WDR7: variants seen among roughly 807,000 people sequenced by gnomAD.
WDR7 encodes WD repeat domain 7, also known as WD repeat-containing protein 7.
Under a neutral mutation model 169.4 loss-of-function variants are expected in WDR7, and 46 were observed. That is an observed-to-expected ratio of 0.27 (90% CI 0.21 to 0.35). The LOEUF (loss-of-function observed/expected upper bound fraction) is 0.35, where lower values mean the gene tolerates loss of function less well. Ranked by LOEUF, WDR7 falls within the 10% of genes least tolerant of loss-of-function variation. WDR7 has a pLI of 1.00. For missense variants in WDR7, 1,534 were observed against 1,859.3 expected (o/e 0.83, Z 3.22); for synonymous variants, 612 against 666.8 (o/e 0.92, Z 1.27).
chr18:57,006,171 G>A (rs945600860), intron 26 of WDR7, among the ~76,000 whole-genome samples: 1 of 152,074 alleles, frequency 6.6e-6, no homozygotes, highest in African/African-American at 2.4e-5. Context: ...GGCATAGAAT[G>A]TTATTTTAAG....
intron 20 of WDR7, among the ~76,000 whole-genome samples, chr18:56,817,266 C>T (rs564558102): frequency 1.3e-5 from 2 of 151,524 alleles, no homozygotes; most frequent in African/African-American, 4.8e-5. Context: ...AATCGCTTGA[C>T]CTGGGAGGTG....
intron 19 of WDR7, among the ~76,000 whole-genome samples, chr18:56,789,080 C>A (rs888487857): frequency 1.3e-5 from 2 of 152,154 alleles, no homozygotes; most frequent in African/African-American, 4.8e-5. Flanking sequence ...AGACTGATCA[C>A]GTATTTAGCA....
At chr18:56,865,454 T>C (rs2045869316) in intron 20 of WDR7, among the ~76,000 whole-genome samples, 1 of 152,150 alleles carries the variant, frequency 6.6e-6, no homozygotes, top group African/African-American at 2.4e-5. Flanking sequence ...TGTTTGATAT[T>C]ACACAGTAAA....
rs753280702 is a variant in WDR7, at chr18:56,682,692, C to T, written c.359C>T (p.Ser120Phe). 5.6e-6 allele frequency: 9 copies of T among 1,613,092 alleles called. No homozygotes were observed. Among genetic ancestry groups the T allele is most frequent in the Non-Finnish European group, 7.6e-6 (9 of 1,179,612 alleles). The change falls in exon 5 of 28, where the codon TCT (serine) becomes TTT (phenylalanine). Residue 120 changes from serine (S) to phenylalanine (F), a missense_variant. Coordinates refer to ENST00000254442, the MANE Select transcript of WDR7 (RefSeq NM_015285.3). ...GCATGAATGTAGTTCTACCAGTTCTCTGTTGGGAATCAGCGAGAAGGAAGG... is the reference window on the plus strand; with the variant it reads ...GCATGAATGTAGTTCTACCAGTTCTTTGTTGGGAATCAGCGAGAAGGAAGG... ...THTGIQFYQFSVGNQREGRLL... is the reference protein window; with the variant it reads ...THTGIQFYQFFVGNQREGRLL...
intron 19 of WDR7, among the ~76,000 whole-genome samples, chr18:56,808,338 G>A (rs775877030): frequency 2.6e-5 from 4 of 151,898 alleles, no homozygotes; most frequent in East Asian, 3.9e-4. Context: ...TTAATTGGAC[G>A]ACTGGAAAAC....
intron 21 of WDR7, among the ~76,000 whole-genome samples, chr18:56,880,529 T>C (rs1164499165): frequency 3.3e-5 from 5 of 152,208 alleles, no homozygotes; most frequent in Non-Finnish European, 7.4e-5. Flanking sequence ...AAGTCAGGAC[T>C]GGGGTGGAAC....
the WDR7 span, chr18:57,035,048 T>A: frequency 2.0e-5 from 3 of 152,278 alleles, no homozygotes; most frequent in African/African-American, 7.2e-5. Context: ...CCTGCCTACA[T>A]GGCCAGCTCC....
chr18:56,727,558 T>G (rs1328158914), intron 13 of WDR7, among the ~76,000 whole-genome samples: 1 of 152,118 alleles, frequency 6.6e-6, no homozygotes, highest in East Asian at 1.9e-4. Flanking sequence ...GAAAGCCCCT[T>G]GTAAAATCAT....
intron 16 of WDR7, among the ~76,000 whole-genome samples, chr18:56,766,813 A>G (rs929404477): frequency 6.6e-6 from 1 of 152,204 alleles, no homozygotes; most frequent in Non-Finnish European, 1.5e-5. Flanking sequence ...TTGCAGTTAT[A>G]ATAAATGTTT....
chr18:56,970,630 C>T (rs562024916), intron 26 of WDR7, among the ~76,000 whole-genome samples: 100 of 152,234 alleles, frequency 6.6e-4, no homozygotes, highest in African/African-American at 2.3e-3. Flanking sequence ...GCATCCCCTG[C>T]GCGAGTGGGA....
chr18:57,023,206 A>G (rs538948141), intron 27 of WDR7, among the ~76,000 whole-genome samples: 9 of 152,352 alleles, frequency 5.9e-5, no homozygotes, highest in Admixed American at 5.2e-4. Flanking sequence ...TCCAAAAAAC[A>G]GTATTAGATC....
At chr18:56,743,458 G>C (rs1408109231) in intron 14 of WDR7, among the ~76,000 whole-genome samples, 1 of 152,160 alleles carries the variant, frequency 6.6e-6, no homozygotes, top group Non-Finnish European at 1.5e-5. Flanking sequence ...CAGGAGAATG[G>C]GCTAACCTGT....
At chr18:56,719,660 C>A (rs1030407391) in intron 13 of WDR7, among the ~76,000 whole-genome samples, 1 of 151,410 alleles carries the variant, frequency 6.6e-6, no homozygotes, top group Non-Finnish European at 1.5e-5. Flanking sequence ...TGCTGAATAG[C>A]AGTCTTGTGT....
At chr18:56,868,824 A>G (rs1245635302) in intron 20 of WDR7, among the ~76,000 whole-genome samples, 1 of 152,140 alleles carries the variant, frequency 6.6e-6, no homozygotes, top group African/African-American at 2.4e-5. Flanking sequence ...TGAAAGGTCA[A>G]TTGAAGCAAA....
At chr18:56,938,481 T>C in intron 23 of WDR7, 52 bp from the exon 24 acceptor site, 1 of 1,584,038 alleles carries the variant, frequency 6.3e-7, no homozygotes, top group Non-Finnish European at 8.5e-7. Context: ...TGGCTAGAAA[T>C]GTAAAACTAT....
At chr18:57,031,140 A>C (rs1487194383), downstream of WDR7, 1 of 152,168 alleles carries the variant, frequency 6.6e-6, no homozygotes, top group African/African-American at 2.4e-5. Flanking sequence ...CTAACATCTC[A>C]GAATTTGGTT....
intron 21 of WDR7, among the ~76,000 whole-genome samples, chr18:56,895,384 G>T (rs1166089211): frequency 6.6e-6 from 1 of 151,856 alleles, no homozygotes; most frequent in Non-Finnish European, 1.5e-5. Flanking sequence ...TAGGCATTTT[G>T]TCATAGGAGG....
Position 56,779,560 on chromosome 18 carries a change from A to G in WDR7, c.3066+11A>G. On this transcript the variant is annotated intron_variant, in intron 18 of 27. Transcript: ENST00000254442. The stretch of plus-strand genomic sequence containing the variant: ...GATCGATGCTTGGAGGTAATGCTAA[A>G]GTGATAAGGATAGAAAACAAAAATA... 6.2e-7 allele frequency: 1 copy of G among 1,605,356 alleles called. No homozygotes were observed. The highest frequency in any genetic ancestry group is 8.5e-7 in the Non-Finnish European group (1 of 1,175,160).
intron 21 of WDR7, among the ~76,000 whole-genome samples, chr18:56,902,786 G>A (rs1466401053): frequency 6.6e-6 from 1 of 152,110 alleles, no homozygotes; most frequent in Admixed American, 6.6e-5. Context: ...TGATGTTAAG[G>A]GAAGTAAAAG....
Sources: allele counts gnomAD v4.1 joint callset (sites outside exome capture counted in the v4.1 genomes callset), GRCh38; gene constraint gnomAD v4.1.1; transcripts MANE v1.5; gene names NCBI Gene and HGNC (gene_info 2026-07-23, HGNC 2026-07-21).